Variants in NLGN4Y observed in about 807,000 individuals in gnomAD.
NLGN4Y encodes neuroligin 4 Y-linked, also known as neuroligin-4, Y-linked.
NLGN4Y carries 4 observed loss-of-function variants against 8.4 expected under a neutral mutation model. That is an observed-to-expected ratio of 0.48 (90% CI 0.23 to 1.09). The LOEUF (loss-of-function observed/expected upper bound fraction) is 1.09, where lower values mean the gene tolerates loss of function less well. Among genes scored for constraint, NLGN4Y ranks in the 50% least tolerant of loss-of-function variants. NLGN4Y has a pLI of 0.19. For synonymous variants in NLGN4Y, 35 were observed against 75.6 expected (o/e 0.46, Z 2.78); for missense variants, 90 against 192.3 (o/e 0.47, Z 3.15).
At chrY:14,818,091 G>A in intron 4 of NLGN4Y, among the ~76,000 whole-genome samples, 1 of 31,822 alleles carries the variant, frequency 3.1e-5, no homozygotes, top group Non-Finnish European at 7.6e-5. Context: ...CCTTTGATAA[G>A]GAAAATTGGT....
intron 4 of NLGN4Y, among the ~76,000 whole-genome samples, chrY:14,819,300 A>T: frequency 3.0e-5 from 1 of 33,474 alleles, no homozygotes; most frequent in Non-Finnish European, 7.4e-5. Context: ...AGATCTCCAA[A>T]CACTCAGGCT....
At chrY:14,656,085 A>C (rs1384178084) in intron 2 of NLGN4Y, among the ~76,000 whole-genome samples, 1 of 33,675 alleles carries the variant, frequency 3.0e-5, no homozygotes, top group Non-Finnish European at 7.4e-5. Flanking sequence ...CAACAACCCA[A>C]CCTTGGAGTT....
At position 14,840,691 on chromosome Y, in the gene NLGN4Y, G is replaced by A. The variant is rs771612829; in HGVS notation, c.1940G>A (p.Arg647Gln). 1 of 396,559 alleles carries A rather than the reference G, an allele frequency of 2.5e-6. No individual in the cohort carries two copies. Among genetic ancestry groups the A allele is most frequent in the African/African-American group, 6.4e-5 (1 of 15,567 alleles). The change falls in exon 7 of 7, where the codon CGA (arginine) becomes CAA (glutamine). Residue 647 changes from arginine to glutamine, a missense_variant. Coordinates refer to ENST00000684976, the MANE Select transcript of NLGN4Y (RefSeq NM_001365588.1). ...ACATCATTTCCCTATGGCACCCGGC[G>A]ATCTCCCGCCAAGATATGGCCAACC... ...DMTSFPYGTRRSPAKIWPTTK... is the reference protein window; with the variant it reads ...DMTSFPYGTRQSPAKIWPTTK...
At chrY:14,543,954 G>T in intron 1 of NLGN4Y, among the ~76,000 whole-genome samples, 1 of 33,319 alleles carries the variant, frequency 3.0e-5, no homozygotes, top group Non-Finnish European at 7.4e-5. Context: ...TATCATTAGG[G>T]TATTTCTAGG....
intron 4 of NLGN4Y, among the ~76,000 whole-genome samples, chrY:14,813,244 T>C: frequency 1.2e-4 from 4 of 33,352 alleles, no homozygotes; most frequent in Non-Finnish European, 2.2e-4. Context: ...GTCTCATTTA[T>C]ATAAAATGTG....
At chrY:14,807,830 A>G in intron 4 of NLGN4Y, among the ~76,000 whole-genome samples, 1 of 34,024 alleles carries the variant, frequency 2.9e-5, no homozygotes, top group East Asian at 7.7e-4. Context: ...ATTCTTTAAA[A>G]TACCATAAGA....
Position 14,842,336 on chromosome Y carries a change from C to A in NLGN4Y, c.*1074C>A. 8.3e-6 allele frequency: 1 copy of A among 120,720 alleles called. No homozygotes were observed. The highest frequency in any genetic ancestry group is 1.8e-5 in the Non-Finnish European group (1 of 55,996). 30.1% of individuals were successfully genotyped at this position (120,720 alleles called of 400,897 possible). ...AAGAATCAGCAGAGAAAACAAAATA[C>A]AAGTCCTGTTCTGTAGTTCTTGCCC... On this transcript the variant is annotated 3_prime_UTR_variant, in exon 7 of 7. Coordinates refer to ENST00000684976, the MANE Select transcript of NLGN4Y (RefSeq NM_001365588.1).
Position 14,622,360 on chromosome Y carries a change from C to T in NLGN4Y, c.241C>T (p.Pro81Ser), listed in dbSNP as rs764490872. Reference sequence around the variant, plus strand: ...GTACTTAGGGGTCCCCTATGCCTCACCCCCAACTGGAGAGAGGCGGTTTCA... The same window carrying T: ...GTACTTAGGGGTCCCCTATGCCTCATCCCCAACTGGAGAGAGGCGGTTTCA... Reference protein sequence around the residue: ...EQYLGVPYASPPTGERRFQPP... With the variant: ...EQYLGVPYASSPTGERRFQPP... Residue 81 changes from proline (P) to serine (S), a missense_variant, in exon 2 of 7, where the codon CCC (proline) becomes TCC (serine). Around this residue, in one of 4 missense-constraint regions of NLGN4Y, gnomAD observed 37 missense variants for 38.5 expected, o/e 0.96. Transcript: ENST00000684976. 2.5e-6 allele frequency: 1 copy of T among 399,059 alleles called. No homozygotes were observed. The highest frequency in any genetic ancestry group is 3.0e-5 in the South Asian group (1 of 33,801).
chrY:14,713,055 C>T, intron 2 of NLGN4Y, among the ~76,000 whole-genome samples: 2 of 33,425 alleles, frequency 6.0e-5, no homozygotes, highest in South Asian at 6.8e-4. Context: ...CAAATTGCCC[C>T]GGGAGGAGCA....
intron 2 of NLGN4Y, among the ~76,000 whole-genome samples, chrY:14,697,594 G>GAGAGAGATAGATAGAT (rs61576386): frequency 4.4e-3 from 94 of 21,152 alleles, no homozygotes; most frequent in African/African-American, 0.016. Context: ...ATAGATGAGA[G>GAGAGAGATAGATAGAT]AGATAGATAG....
chrY:14,565,188 G>A, intron 1 of NLGN4Y, among the ~76,000 whole-genome samples: 1 of 31,898 alleles, frequency 3.1e-5, no homozygotes, highest in Non-Finnish European at 7.5e-5. Context: ...ACTGACAGAA[G>A]TAGGGTTCAG....
At chrY:14,547,175 G>T (rs2080176111) in intron 1 of NLGN4Y, among the ~76,000 whole-genome samples, 1 of 33,651 alleles carries the variant, frequency 3.0e-5, no homozygotes, top group African/African-American at 1.2e-4. Context: ...TTGTAGACAG[G>T]GCTTGCAGTT....
intron 1 of NLGN4Y, among the ~76,000 whole-genome samples, chrY:14,617,201 CT>C (rs2080492112): frequency 6.6e-5 from 2 of 30,128 alleles, no homozygotes; most frequent in Admixed American, 3.1e-4. Context: ...ATATAATGGC[CT>C]TCTTTGTCTC....
chrY:14,803,324 A>G, intron 4 of NLGN4Y, among the ~76,000 whole-genome samples: 1 of 27,980 alleles, frequency 3.6e-5, no homozygotes, highest in East Asian at 8.5e-4. Flanking sequence ...TATAATATAT[A>G]TTATATGTAT....
intron 4 of NLGN4Y, among the ~76,000 whole-genome samples, chrY:14,758,221 G>C (rs905005551): frequency 6.1e-5 from 2 of 32,930 alleles, no homozygotes; most frequent in African/African-American, 1.2e-4. Context: ...TTCTTCATGG[G>C]TTTGGTAATC....
At chrY:14,785,627 T>G in intron 4 of NLGN4Y, among the ~76,000 whole-genome samples, 2 of 32,274 alleles carry the variant, frequency 6.2e-5, no homozygotes, top group African/African-American at 1.2e-4. Flanking sequence ...AGCCGGGCGC[T>G]GTGGCGGCTG....
At chrY:14,614,249 G>A in intron 1 of NLGN4Y, among the ~76,000 whole-genome samples, 1 of 33,811 alleles carries the variant, frequency 3.0e-5, no homozygotes, top group Admixed American at 2.7e-4. Flanking sequence ...AGAAGTGTCT[G>A]TTCATATCCT....
In NLGN4Y at chrY:14,843,583, C is replaced by T; in HGVS notation, c.*2321C>T. 1 of 121,296 alleles carries T rather than the reference C, an allele frequency of 8.2e-6. No individual in the cohort carries two copies. The highest frequency in any genetic ancestry group is 3.9e-5 in the South Asian group (1 of 25,669). The allele number at this position is 121,296 out of a possible 400,897, so 30.3% of individuals were successfully genotyped here. A position where few individuals can be genotyped will look rare whatever the true frequency, so the allele number is the denominator to read the frequency against. On this transcript the variant is annotated 3_prime_UTR_variant, in exon 7 of 7. Coordinates refer to ENST00000684976, the MANE Select transcript of NLGN4Y (RefSeq NM_001365588.1). Reference sequence around the variant, plus strand: ...TGACATCTTAAGGAAAAGAAGAGTTCCTGTTAAATGAATAGCTTTAGCTTT... The same window carrying T: ...TGACATCTTAAGGAAAAGAAGAGTTTCTGTTAAATGAATAGCTTTAGCTTT...
At chrY:14,802,224 GCTCTCT>G (rs773320101) in intron 4 of NLGN4Y, among the ~76,000 whole-genome samples, 6 of 30,500 alleles carry the variant, frequency 2.0e-4, no homozygotes, top group African/African-American at 7.6e-4. Context: ...TACCTGGAGA[GCTCTCT>G]CTCTCTCTCT....
Sources: allele counts gnomAD v4.1 joint callset (sites outside exome capture counted in the v4.1 genomes callset), GRCh38; gene constraint gnomAD v4.1.1; regional missense constraint gnomAD v4.1.1; transcripts MANE v1.5; gene names NCBI Gene and HGNC (gene_info 2026-07-23, HGNC 2026-07-21).